The following KLHL29 variants were observed in gnomAD, a reference collection of about 807,000 sequenced individuals.
KLHL29 encodes the protein kelch-like protein 29.
Under a neutral mutation model 80.4 loss-of-function variants are expected in KLHL29, and 21 were observed. That is an observed-to-expected ratio of 0.26 (90% confidence interval 0.19 to 0.38). The LOEUF is 0.38. Among genes scored for constraint, KLHL29 ranks in the 10% least tolerant of loss-of-function variants. KLHL29 has a pLI of 1.00. For missense variants in KLHL29, 867 were observed against 1,223.9 expected (o/e 0.71, Z 4.35); for synonymous variants, 511 against 526.8 (o/e 0.97, Z 0.41).
At chr2:23,657,706 T>G (rs1185896217) in intron 5 of KLHL29, among the ~76,000 whole-genome samples, 1 of 151,922 alleles carries the variant, frequency 6.6e-6, no homozygotes, top group Non-Finnish European at 1.5e-5. Context: ...CCTGAGAGAG[T>G]TTTGGCTGGC....
chr2:23,626,915 C>G (rs967131249), intron 3 of KLHL29, among the ~76,000 whole-genome samples: 3 of 152,170 alleles, frequency 2.0e-5, no homozygotes, highest in African/African-American at 7.2e-5. Flanking sequence ...GATCCCATCT[C>G]CAAGGGCGGG....
At chr2:23,403,694 G>A (rs1054204670) in intron 1 of KLHL29, among the ~76,000 whole-genome samples, 4 of 151,098 alleles carry the variant, frequency 2.6e-5, no homozygotes, top group African/African-American at 7.3e-5. Context: ...AGAAAAGAAA[G>A]GGGAAGATGA....
At chr2:23,555,977 G>A (rs1329917421) in intron 2 of KLHL29, among the ~76,000 whole-genome samples, 1 of 152,224 alleles carries the variant, frequency 6.6e-6, no homozygotes, top group East Asian at 1.9e-4. Context: ...CCAGCATGTG[G>A]CTCTGAAGGG....
intron 3 of KLHL29, among the ~76,000 whole-genome samples, chr2:23,634,067 G>A (rs1489723316): frequency 2.0e-5 from 3 of 152,114 alleles, no homozygotes; most frequent in Non-Finnish European, 4.4e-5. Context: ...TGGTGTAGGT[G>A]TCCCATTCTG....
In KLHL29 at chr2:23,707,682, G is replaced by C. The variant is rs1672815307; in HGVS notation, c.*1018G>C. 6.6e-6 allele frequency: 1 copy of C among 152,438 alleles called. No homozygotes were observed. Among genetic ancestry groups the C allele is most frequent in the East Asian group, 1.9e-4 (1 of 5,180 alleles). The allele number at this position is 152,438 out of a possible 1,614,324, so 9.4% of individuals were successfully genotyped here. Reference sequence around the variant, plus strand: ...GCTCCCTCCATGAGGTCAAGCTGAGGACCAGGCCAGTGGGAAGGGAAGGAG... The same window carrying C: ...GCTCCCTCCATGAGGTCAAGCTGAGCACCAGGCCAGTGGGAAGGGAAGGAG... On this transcript the variant is annotated 3_prime_UTR_variant, in exon 14 of 14. Transcript: ENST00000486442.
At chr2:23,639,391 C>A in intron 4 of KLHL29, 111 bp downstream of exon 4, 2 of 1,039,928 alleles carry the variant, frequency 1.9e-6, no homozygotes, top group Non-Finnish European at 2.8e-6. Flanking sequence ...CCAGGGCCTG[C>A]AGAAGCCCCC....
At chr2:23,413,868 C>A (rs1666922827) in intron 1 of KLHL29, among the ~76,000 whole-genome samples, 2 of 152,154 alleles carry the variant, frequency 1.3e-5, no homozygotes, top group South Asian at 4.1e-4. Context: ...GGCCCGTGCA[C>A]CCTGCTGTGG....
At chr2:23,704,344 C>A (rs966806908) in intron 13 of KLHL29, among the ~76,000 whole-genome samples, 1 of 152,232 alleles carries the variant, frequency 6.6e-6, no homozygotes, top group African/African-American at 2.4e-5. Context: ...AAACCCACCC[C>A]TGCAGGCAGA....
intron 2 of KLHL29, among the ~76,000 whole-genome samples, chr2:23,542,625 A>G (rs551423891): frequency 3.8e-4 from 58 of 152,332 alleles, no homozygotes; most frequent in Non-Finnish European, 7.2e-4. Context: ...CCAGGGAGCC[A>G]GCATCCAGCC....
At position 23,439,277 on chromosome 2, in the gene KLHL29, AT is replaced by A. The variant is rs547315752; in HGVS notation, c.-153-36277del. On this transcript the variant is annotated intron_variant, in intron 1 of 13. Coordinates refer to ENST00000486442, the MANE Select transcript of KLHL29 (RefSeq NM_052920.2). ...AAAAAACCAGCTCCTGGGTTCATTAATTTTTTGAAGGGTTTTTTTTGTCTTC... is the reference window on the plus strand; with the variant it reads ...AAAAAACCAGCTCCTGGGTTCATTAATTTTTGAAGGGTTTTTTTTGTCTTC... 1.1e-3 allele frequency among the ~76,000 whole-genome samples: 165 copies of A among 152,008 alleles called. 1 individual carries two copies. Among genetic ancestry groups the A allele is most frequent in the African/African-American group, 3.8e-3 (159 of 41,456 alleles).
At chr2:23,663,354 G>A (rs1027829385) in intron 5 of KLHL29, among the ~76,000 whole-genome samples, 2 of 152,194 alleles carry the variant, frequency 1.3e-5, no homozygotes, top group Non-Finnish European at 2.9e-5. Context: ...GGGTCCCCGC[G>A]GGCTGGGGCG....
chr2:23,468,992 C>T (rs753553891), intron 1 of KLHL29, among the ~76,000 whole-genome samples: 7 of 152,180 alleles, frequency 4.6e-5, no homozygotes, highest in East Asian at 1.9e-4. Context: ...GAAAACCGGC[C>T]GGGAGCCAAG....
chr2:23,618,709 A>G (rs1366159857), intron 3 of KLHL29, among the ~76,000 whole-genome samples: 1 of 152,158 alleles, frequency 6.6e-6, no homozygotes, highest in African/African-American at 2.4e-5. Context: ...CGTATATTAT[A>G]TATATAATTT....
At chr2:23,605,814 G>T (rs1668707107) in intron 3 of KLHL29, among the ~76,000 whole-genome samples, 1 of 151,434 alleles carries the variant, frequency 6.6e-6, no homozygotes, top group African/African-American at 2.4e-5. Context: ...CTGTCGCCCA[G>T]GCTGGAGTGC....
rs555846213 is a variant in KLHL29 at position 23,570,517 on chromosome 2, C to T, written c.285+8036C>T. Among the ~76,000 whole-genome samples, 3 of 152,358 alleles carry T rather than the reference C, an allele frequency of 2.0e-5. No individual in the cohort carries two copies. The East Asian group carries it at 5.8e-4, about 29-fold the overall frequency. ...CAGTTAAGTTTGTGGTTCTCTGTCC[C>T]CTACTCCTGCCTTCCTTTGCCCTTA... On this transcript the variant is annotated intron_variant, in intron 3 of 13. Coordinates refer to ENST00000486442, the MANE Select transcript of KLHL29 (RefSeq NM_052920.2).
Position 23,695,465 on chromosome 2 carries a change from TCC to T in KLHL29, c.1543-156_1543-155del, listed in dbSNP as rs372529872. On this transcript the variant is annotated intron_variant, in intron 8 of 13. Transcript: ENST00000486442. The surrounding 1 kb of genome is among the most constrained non-coding windows in gnomAD (Gnocchi z 7.6). ...CTCCACACCTCCAGCTGACTAGACT[TCC>T]CTTCACCTCTGTCTAGGCTAGCAGA... Among the ~76,000 whole-genome samples, 1 of 152,066 alleles carries T rather than the reference TCC, an allele frequency of 6.6e-6. No individual in the cohort carries two copies. The highest frequency in any genetic ancestry group is 2.4e-5 in the African/African-American group (1 of 41,406).
intron 3 of KLHL29, among the ~76,000 whole-genome samples, chr2:23,597,309 ATG>A (rs1217422868): frequency 0.016 from 1,655 of 100,436 alleles, 16 homozygotes; most frequent in African/African-American, 0.021. Flanking sequence ...ATATATATAT[ATG>A]TGTGTGTGTG....
intron 2 of KLHL29, among the ~76,000 whole-genome samples, chr2:23,494,200 A>G (rs1665188682): frequency 6.6e-6 from 1 of 152,246 alleles, no homozygotes; most frequent in South Asian, 2.1e-4. Context: ...GAGAGATTGT[A>G]CTGAGGCTCT....
chr2:23,707,019 T>C lies in KLHL29; in HGVS notation c.*355T>C. 5.7e-6 allele frequency: 1 copy of C among 175,662 alleles called. No individual in the cohort carries two copies. The highest frequency in any genetic ancestry group is 1.2e-5 in the Non-Finnish European group (1 of 84,026). The allele number at this position is 175,662 out of a possible 1,614,324, so 10.9% of individuals were successfully genotyped here. On this transcript the variant is annotated 3_prime_UTR_variant, in exon 14 of 14. Transcript: ENST00000486442. ...AGCAAGCTTGATCCCTAAACAACCA[T>C]AGATCAGTTATCTTATGACAACATT... is the stretch of plus-strand genomic sequence containing the variant.
Sources: gnomAD v4.1 joint callset for allele counts (sites outside exome capture counted in the v4.1 genomes callset) on GRCh38, gnomAD v4.1.1 for gene constraint, Gnocchi (gnomAD v3.1) non-coding constraint, MANE v1.5 for transcripts, NCBI Gene and HGNC (gene_info 2026-07-23, HGNC 2026-07-21) for gene names.